The following TLE2 variants were observed in gnomAD, a reference collection of about 807,000 sequenced individuals.
The protein encoded by TLE2 is transducin-like enhancer protein 2.
TLE2 carries 74 observed loss-of-function variants against 97.2 expected under a neutral mutation model. The ratio of observed to expected loss-of-function variants is 0.76; its 90% CI spans 0.63 to 0.92. The LOEUF is 0.92. TLE2 is among the 40% of genes least tolerant of loss of function. TLE2 has a pLI of 0.00. For synonymous variants in TLE2, 499 were observed against 432.1 expected (o/e 1.15, Z -1.92); for missense variants, 1,038 against 1,008.7 (o/e 1.03, Z -0.39).
chr19:3,026,949 C>G (rs187703977), intron 4 of TLE2, among the ~76,000 whole-genome samples: 2 of 149,828 alleles, frequency 1.3e-5, no homozygotes, highest in Non-Finnish European at 2.9e-5. Context: ...ATCTCAGAAC[C>G]CTGAGGTCAA....
At chr19:3,036,546 C>G (rs1160923299) in intron 1 of TLE2, among the ~76,000 whole-genome samples, 2 of 152,264 alleles carry the variant, frequency 1.3e-5, no homozygotes, top group Admixed American at 6.5e-5. Context: ...CAGGCCTGTC[C>G]CCTCCCGCTG....
At chr19:3,032,876 A>C (rs2090035868), upstream of TLE2, among the ~76,000 whole-genome samples, 1 of 151,640 alleles carries the variant, frequency 6.6e-6, no homozygotes, top group Admixed American at 6.6e-5. This position sits in a 1 kb window ranked among gnomAD's most constrained non-coding sequence, Gnocchi z 4.1. Context: ...GACCTTGAGC[A>C]TACATGGTAG....
chr19:3,028,976 C>T lies in TLE2; in HGVS notation c.-72G>A. 1 of 1,574,632 alleles carries T rather than the reference C, an allele frequency of 6.4e-7. No homozygotes were observed. Among genetic ancestry groups the T allele is most frequent in the Non-Finnish European group, 8.6e-7 (1 of 1,161,614 alleles). On this transcript the variant is annotated 5_prime_UTR_variant, in exon 1 of 20. Transcript: ENST00000262953. ...ATGGAGGCGGCAAGAGTGGGGGAGG[C>T]TGAAGTGGGGTGGTGGGGAGGCTGC...
chr19:3,023,644 C>G (rs1379914212), intron 5 of TLE2, among the ~76,000 whole-genome samples: 1 of 151,976 alleles, frequency 6.6e-6, no homozygotes, highest in Non-Finnish European at 1.5e-5. Flanking sequence ...CCTGTAAACC[C>G]AACACTCGGA....
rs1384786093 is a variant in TLE2 at position 3,013,728 on chromosome 19, G to T, written c.814C>A (p.Pro272Thr). ...CCAAGGCTAGAGGCCAAGGAGGCTG[G>T]ACTGTCCACCAGGTCCCGACGGGCA... is the stretch of plus-strand genomic sequence containing the variant. ...IPARRDLVDS[P>T]ASLASSLGSP... The change falls in exon 11 of 20, where the codon CCA (proline) becomes ACA (threonine). Residue 272 changes from proline to threonine, a missense_variant. By Grantham distance (38) the Pro-to-Thr change is conservative. Transcript: ENST00000262953. 2 of 1,557,986 alleles carry T rather than the reference G, an allele frequency of 1.3e-6. No homozygotes were observed. Among genetic ancestry groups the T allele is most frequent in the Non-Finnish European group, 1.7e-6 (2 of 1,154,300 alleles).
At chr19:3,031,087 C>T (rs183795474), upstream of TLE2, among the ~76,000 whole-genome samples, 55 of 152,258 alleles carry the variant, frequency 3.6e-4, no homozygotes, top group Middle Eastern at 3.4e-3. Context: ...AGACAGATCC[C>T]TGCCCTCTCT....
At chr19:3,028,199 G>T in intron 3 of TLE2, 120 bp downstream of exon 3, 1 of 1,096,320 alleles carries the variant, frequency 9.1e-7, no homozygotes, top group Non-Finnish European at 1.4e-6. Context: ...ATCCCAACCT[G>T]CCCAATGTAC....
chr19:3,004,209 T>TG (rs2145121310), intron 17 of TLE2, among the ~76,000 whole-genome samples: 1 of 152,218 alleles, frequency 6.6e-6, no homozygotes, highest in African/African-American at 2.4e-5. Context: ...AAAGACGCAT[T>TG]GGGGGACACC....
intron 1 of TLE2, among the ~76,000 whole-genome samples, chr19:3,040,341 C>T (rs2090090905): frequency 6.6e-6 from 1 of 152,216 alleles, no homozygotes. Flanking sequence ...TTCTTTTTAA[C>T]GTTTGTTTGT....
rs978935151 is a variant in TLE2, at chr19:3,019,529, A to G, written c.370-66T>C. The G allele has an allele frequency of 1.6e-5, 23 of 1,481,274 alleles. No individual in the cohort carries two copies. The African/African-American group carries it at 2.9e-4, about 19-fold the overall frequency. 91.8% of individuals were successfully genotyped at this position (1,481,274 alleles called of 1,614,324 possible). A position where few individuals can be genotyped will look rare whatever the true frequency, so the allele number is the denominator to read the frequency against. On this transcript the variant is annotated intron_variant, in intron 6 of 19. Coordinates refer to ENST00000262953, the MANE Select transcript of TLE2 (RefSeq NM_003260.5). This position sits in a 1 kb window ranked among gnomAD's most constrained non-coding sequence, Gnocchi z 5.1. ...CAGGAGCCCAGCGGTCCCCAGCCCAAGAGGTAGACACAGGGGATGGGACCT... is the reference window on the plus strand; with the variant it reads ...CAGGAGCCCAGCGGTCCCCAGCCCAGGAGGTAGACACAGGGGATGGGACCT...
At chr19:3,047,488 G>A (rs1027946958), upstream of TLE2, 1 of 132,376 alleles carries the variant, frequency 7.6e-6, no homozygotes, top group Non-Finnish European at 1.7e-5. Flanking sequence ...AAGACCCCTT[G>A]TGGGGGTGTC....
chr19:3,013,866 G>C (rs934620697), intron 10 of TLE2, 48 bp from the exon 11 acceptor site: 71 of 1,414,374 alleles, frequency 5.0e-5, no homozygotes, highest in Non-Finnish European at 6.6e-5. Context: ...GAGAGGGAAA[G>C]AAGAGTCCCT....
intron 5 of TLE2, among the ~76,000 whole-genome samples, chr19:3,020,807 C>T (rs1214948690): frequency 6.6e-6 from 1 of 151,964 alleles, no homozygotes; most frequent in Non-Finnish European, 1.5e-5. Flanking sequence ...ATATCTGAGC[C>T]GGGCGCGGCG....
intron 15 of TLE2, 182 bp downstream of exon 15, chr19:3,006,238 A>AAT (rs3050847): frequency 0.58 from 655,780 of 1,127,278 alleles, 194,975 homozygotes; most frequent in African/African-American, 0.81. Context: ...CAGATTGGCC[A>AAT]GAGCCCCACC....
chr19:3,013,626 G>A (rs3760963), intron 11 of TLE2, 43 bp downstream of exon 11: 62,449 of 1,336,826 alleles, frequency 0.047, 1,537 homozygotes, highest in South Asian at 0.086. Context: ...CGGGGCCCCC[G>A]GGATGAATAA....
intron 4 of TLE2, among the ~76,000 whole-genome samples, chr19:3,027,577 A>T (rs1440438370): frequency 6.6e-6 from 1 of 152,086 alleles, no homozygotes; most frequent in Admixed American, 6.5e-5. Flanking sequence ...GCCCCTGCCC[A>T]CTGCCTGCAT....
At chr19:3,012,769 T>G (rs1201469265) in intron 11 of TLE2, among the ~76,000 whole-genome samples, 1 of 152,100 alleles carries the variant, frequency 6.6e-6, no homozygotes, top group African/African-American at 2.4e-5. Context: ...TCGCCTCCCC[T>G]GCCTCCCCTG....
At position 3,006,452 on chromosome 19, in the gene TLE2, C is replaced by T; in HGVS notation, c.1468G>A (p.Ala490Thr). 1 of 1,610,614 alleles carries T rather than the reference C, an allele frequency of 6.2e-7. No individual in the cohort carries two copies. Among genetic ancestry groups the T allele is most frequent in the South Asian group, 1.1e-5 (1 of 90,834 alleles). ...TCGAGCTGGGCCACGGGCGTCTTGGCCCCAGGCTGGCCCACGTCCCACACC... is the reference window on the plus strand; with the variant it reads ...TCGAGCTGGGCCACGGGCGTCTTGGTCCCAGGCTGGCCCACGTCCCACACC... ...VKVWDVGQPGAKTPVAQLDCL... is the reference protein window; with the variant it reads ...VKVWDVGQPGTKTPVAQLDCL... Residue 490 changes from alanine to threonine, a missense_variant, in exon 15 of 20, where the codon GCC (alanine) becomes ACC (threonine). Transcript: ENST00000262953.
intron 4 of TLE2, among the ~76,000 whole-genome samples, chr19:3,026,157 G>A (rs2089939325): frequency 3.3e-5 from 5 of 151,994 alleles, no homozygotes; most frequent in Admixed American, 1.3e-4. Context: ...AGAATCTTTG[G>A]GTCTATTGGC....
Sources: gnomAD v4.1 joint callset for allele counts (sites outside exome capture counted in the v4.1 genomes callset) on GRCh38, gnomAD v4.1.1 for gene constraint, Gnocchi (gnomAD v3.1) non-coding constraint, MANE v1.5 for transcripts, NCBI Gene and HGNC (gene_info 2026-07-23, HGNC 2026-07-21) for gene names.